The following CCDC169 variants were observed in gnomAD, a reference collection of about 807,000 sequenced individuals.
CCDC169 encodes coiled-coil domain-containing protein 169.
CCDC169 carries 30 observed loss-of-function variants against 36.0 expected under a neutral mutation model. The ratio of observed to expected loss-of-function variants is 0.83; its 90% confidence interval spans 0.62 to 1.13. The LOEUF (loss-of-function observed/expected upper bound fraction) is 1.13, where lower values mean the gene tolerates loss of function less well. CCDC169 is among the 50% of genes most tolerant of loss of function. The probability of loss-of-function intolerance (pLI) is 0.00; values close to 1 mark genes in which losing one functional copy is unlikely to be tolerated. For synonymous variants in CCDC169, 85 were observed against 81.5 expected, an observed-to-expected ratio of 1.04 and a Z score of -0.23; for missense variants, 245 against 245.9, an observed-to-expected ratio of 1.00 and a Z score of 0.03.
chr13:36,283,441 C>A, intron 4 of CCDC169, 28 bp downstream of exon 4: 4 of 1,536,398 alleles, frequency 2.6e-6, no homozygotes, highest in Non-Finnish European at 3.5e-6. Flanking sequence ...TTCAATTATT[C>A]TTTGTGTTTA....
At chr13:36,235,415 T>C (rs952830874) in intron 7 of CCDC169, among the ~76,000 whole-genome samples, 1 of 152,024 alleles carries the variant, frequency 6.6e-6, no homozygotes, top group Admixed American at 6.6e-5. Flanking sequence ...AAAGATTTGA[T>C]TTTTTATTTG....
At chr13:36,269,541 T>G (rs1039179038) in intron 4 of CCDC169, among the ~76,000 whole-genome samples, 2 of 152,172 alleles carry the variant, frequency 1.3e-5, no homozygotes, top group African/African-American at 4.8e-5. Flanking sequence ...ACTAGCTAAC[T>G]GAATCCAACA....
chr13:36,270,707 C>T (rs2138556404), intron 4 of CCDC169, among the ~76,000 whole-genome samples: 1 of 152,226 alleles, frequency 6.6e-6, no homozygotes, highest in Non-Finnish European at 1.5e-5. Flanking sequence ...GCAGGGAAAA[C>T]TAGCAATCCA....
intron 2 of CCDC169, among the ~76,000 whole-genome samples, chr13:36,289,122 A>G (rs1207290605): frequency 1.3e-5 from 2 of 152,160 alleles, no homozygotes; most frequent in African/African-American, 4.8e-5. Flanking sequence ...TTAAGGTATT[A>G]CTTTTCTCTT....
chr13:36,267,796 G>A (rs1875527116), intron 4 of CCDC169, among the ~76,000 whole-genome samples: 1 of 151,956 alleles, frequency 6.6e-6, no homozygotes, highest in Non-Finnish European at 1.5e-5. Context: ...GTGAGAAGTA[G>A]TAGCTATTCT....
chr13:36,262,967 A>G (rs1039289828), intron 4 of CCDC169, among the ~76,000 whole-genome samples: 1 of 152,198 alleles, frequency 6.6e-6, no homozygotes, highest in Non-Finnish European at 1.5e-5. Context: ...TTGCAGAAGG[A>G]GGTGAGTTCT....
chr13:36,257,148 T>C (rs1873994331), intron 4 of CCDC169, among the ~76,000 whole-genome samples: 1 of 152,230 alleles, frequency 6.6e-6, no homozygotes, highest in Admixed American at 6.5e-5. Context: ...AACTGTGTTC[T>C]TGATTTGGCT....
intron 6 of CCDC169, among the ~76,000 whole-genome samples, 151 bp from the exon 7 acceptor site, chr13:36,248,833 T>A (rs1566066097): frequency 6.6e-6 from 1 of 152,076 alleles, no homozygotes; most frequent in Non-Finnish European, 1.5e-5. Flanking sequence ...ATTCTGGCCT[T>A]CTCCATTATT....
chr13:36,286,829 A>G (rs1295321603), intron 2 of CCDC169, among the ~76,000 whole-genome samples: 7 of 152,110 alleles, frequency 4.6e-5, no homozygotes, highest in Non-Finnish European at 1.0e-4. Context: ...TAAACAAGAG[A>G]GGTAGGGGTA....
chr13:36,293,451 T>A (rs745674986), intron 2 of CCDC169, among the ~76,000 whole-genome samples: 1 of 152,202 alleles, frequency 6.6e-6, no homozygotes, highest in Non-Finnish European at 1.5e-5. Flanking sequence ...TGCTCTGTAA[T>A]GTGACCTTAA....
intron 6 of CCDC169, among the ~76,000 whole-genome samples, chr13:36,252,921 C>A (rs1451826322): frequency 6.6e-6 from 1 of 152,072 alleles, no homozygotes; most frequent in Non-Finnish European, 1.5e-5. Context: ...TATACAAATA[C>A]TAAAATATGT....
At chr13:36,227,479 C>CACACAT, downstream of CCDC169, 5 of 1,247,410 alleles carry the variant, frequency 4.0e-6, no homozygotes, top group Non-Finnish European at 5.2e-6. Context: ...TATTTTTACA[C>CACACAT]ACACACACAC....
In CCDC169 at chr13:36,297,798, G is replaced by A. The variant is rs892416263; in HGVS notation, c.-79C>T. The A allele has an allele frequency of 8.7e-6, 12 of 1,371,934 alleles. No individual in the cohort carries two copies. Among genetic ancestry groups the A allele is most frequent in the Non-Finnish European group, 1.2e-5 (12 of 992,762 alleles). The allele number at this position is 1,371,934 out of a possible 1,614,324, so 85.0% of individuals were successfully genotyped here. On this transcript the variant is annotated 5_prime_UTR_variant, in exon 1 of 8. Transcript: ENST00000239859. ...GACATTAAGGGCCACCCAGAAGCCA[G>A]TACGGCACGAGGCGGTGAACCCCAA...
chr13:36,225,407 G>C (rs1292142526), downstream of CCDC169: 1 of 152,826 alleles, frequency 6.5e-6, no homozygotes, highest in Non-Finnish European at 1.5e-5. Context: ...GTCTCACTAT[G>C]TTGCCCAGGC....
At chr13:36,269,989 G>A (rs551928987) in intron 4 of CCDC169, among the ~76,000 whole-genome samples, 22 of 152,172 alleles carry the variant, frequency 1.4e-4, no homozygotes, top group Non-Finnish European at 2.8e-4. Context: ...AACTATTGCT[G>A]TTTTCAGACG....
intron 7 of CCDC169, among the ~76,000 whole-genome samples, chr13:36,232,254 G>A (rs370616458): frequency 3.0e-4 from 46 of 152,268 alleles, no homozygotes; most frequent in African/African-American, 1.1e-3. Flanking sequence ...AATAGGGTTG[G>A]AGATCCTTTA....
At chr13:36,290,321 C>G (rs745921800) in intron 2 of CCDC169, among the ~76,000 whole-genome samples, 5 of 152,146 alleles carry the variant, frequency 3.3e-5, no homozygotes, top group South Asian at 2.1e-4. Context: ...TAAATAGATA[C>G]TAAATAATTT....
At chr13:36,223,613 G>C (rs570495791), downstream of CCDC169, 1 of 152,114 alleles carries the variant, frequency 6.6e-6, no homozygotes, top group South Asian at 2.1e-4. Context: ...ATTATATGTA[G>C]TGATTTCAAT....
At chr13:36,250,954 C>CA (rs1464890415) in intron 6 of CCDC169, among the ~76,000 whole-genome samples, 1 of 152,190 alleles carries the variant, frequency 6.6e-6, no homozygotes, top group African/African-American at 2.4e-5. Context: ...CTCTCAGAGC[C>CA]ATTGCTAAAA....
Sources: gnomAD v4.1 joint callset for allele counts (sites outside exome capture counted in the v4.1 genomes callset) on GRCh38, gnomAD v4.1.1 for gene constraint, MANE v1.5 for transcripts, NCBI Gene and HGNC (gene_info 2026-07-23, HGNC 2026-07-21) for gene names.